The following FGF10 variants were observed in gnomAD, a reference collection of about 807,000 sequenced individuals.
FGF10 encodes fibroblast growth factor 10.
Under a neutral mutation model 19.8 loss-of-function variants are expected in FGF10, and 2 were observed. The observed-to-expected ratio is 0.10, with a 90% CI of 0.04 to 0.32. FGF10 has a LOEUF of 0.32. Among genes scored for constraint, FGF10 ranks in the 10% least tolerant of loss-of-function variants. The pLI, the probability that FGF10 is intolerant of heterozygous loss-of-function variation, is 1.00. For missense variants in FGF10, 191 were observed against 246.3 expected (o/e 0.78, Z 1.50); for synonymous variants, 112 against 94.0 (o/e 1.19, Z -1.10).
intron 1 of FGF10, among the ~76,000 whole-genome samples, chr5:44,350,214 TAAGTA>T (rs1249913612): frequency 6.6e-6 from 1 of 150,612 alleles, no homozygotes; most frequent in African/African-American, 2.4e-5. Context: ...CATAAATGGT[TAAGTA>T]AACTAAGATA....
intron 1 of FGF10, among the ~76,000 whole-genome samples, chr5:44,327,562 C>G (rs1397813788): frequency 1.3e-5 from 2 of 152,142 alleles, no homozygotes; most frequent in Non-Finnish European, 2.9e-5. Flanking sequence ...GTAATAAGGT[C>G]CACTGCAAAC....
At chr5:44,369,897 C>G (rs943233855) in intron 1 of FGF10, among the ~76,000 whole-genome samples, 4 of 152,112 alleles carry the variant, frequency 2.6e-5, no homozygotes, top group Admixed American at 2.0e-4. Context: ...CAGATTATCT[C>G]AAGCTCAAAA....
chr5:44,302,107 G>A lies in FGF10; in HGVS notation c.*2888C>T, dbSNP rs1158442668. Among the ~76,000 whole-genome samples the A allele has an allele frequency of 2.6e-5, 4 of 151,496 alleles. No homozygotes were observed. Among genetic ancestry groups the A allele is most frequent in the Non-Finnish European group, 5.9e-5 (4 of 67,914 alleles). On this transcript the variant is annotated 3_prime_UTR_variant, in exon 3 of 3. Coordinates refer to ENST00000264664, the MANE Select transcript of FGF10 (RefSeq NM_004465.2). ...TTTTTTTCAAATCTACAACATTCAG[G>A]GCTGAAACTGCTTTTTTTTTTCTTC...
In FGF10 at chr5:44,304,739, A is replaced by G. The variant is rs1319055420; in HGVS notation, c.*256T>C. On this transcript the variant is annotated 3_prime_UTR_variant, in exon 3 of 3. Coordinates refer to ENST00000264664, the MANE Select transcript of FGF10 (RefSeq NM_004465.2). The stretch of plus-strand genomic sequence containing the variant: ...AACAACAACAAAAAACCCAGCCACA[A>G]TGTTTTTCACTTGGGAATAACTTCT... 2.3e-6 allele frequency: 1 copy of G among 442,694 alleles called. No homozygotes were observed. Among genetic ancestry groups the G allele is most frequent in the East Asian group, 4.1e-5 (1 of 24,360 alleles). 27.4% of individuals were successfully genotyped at this position (442,694 alleles called of 1,614,324 possible).
chr5:44,361,639 G>A (rs1376272435), intron 1 of FGF10, among the ~76,000 whole-genome samples: 1 of 151,642 alleles, frequency 6.6e-6, no homozygotes, highest in Non-Finnish European at 1.5e-5. Flanking sequence ...AGCCAGGGAG[G>A]AGAGAGAAGT....
intron 1 of FGF10, among the ~76,000 whole-genome samples, chr5:44,315,885 A>C (rs1203456260): frequency 6.6e-6 from 1 of 152,114 alleles, no homozygotes; most frequent in East Asian, 1.9e-4. Context: ...ATGTGGTTTT[A>C]CCTCTCTTTA....
intron 2 of FGF10, among the ~76,000 whole-genome samples, chr5:44,306,339 G>A (rs1467269641): frequency 1.3e-5 from 2 of 152,220 alleles, no homozygotes; most frequent in African/African-American, 4.8e-5. Context: ...GGAGGTTGCA[G>A]TGAGCCGAGA....
intron 1 of FGF10, among the ~76,000 whole-genome samples, chr5:44,342,135 T>C (rs1740985081): frequency 2.6e-5 from 4 of 152,032 alleles, no homozygotes; most frequent in Admixed American, 2.6e-4. Flanking sequence ...TACCACGTAT[T>C]CCTTAATTAG....
chr5:44,316,623 C>T (rs1430255749), intron 1 of FGF10, among the ~76,000 whole-genome samples: 3 of 152,250 alleles, frequency 2.0e-5, no homozygotes, highest in African/African-American at 4.8e-5. Context: ...AAAGCATTGA[C>T]AGAACGTGTG....
chr5:44,349,939 C>T (rs545099446), intron 1 of FGF10, among the ~76,000 whole-genome samples: 1 of 150,998 alleles, frequency 6.6e-6, no homozygotes. Flanking sequence ...GTCTATTTTT[C>T]TAGAATATAT....
intron 1 of FGF10, among the ~76,000 whole-genome samples, chr5:44,349,703 G>A (rs1439194983): frequency 1.3e-5 from 2 of 149,716 alleles, no homozygotes; most frequent in African/African-American, 4.9e-5. Context: ...AAACTCTTTG[G>A]GAATATCTAT....
intron 2 of FGF10, among the ~76,000 whole-genome samples, chr5:44,307,075 G>A (rs777727519): frequency 2.0e-5 from 3 of 152,140 alleles, no homozygotes; most frequent in Non-Finnish European, 2.9e-5. Flanking sequence ...TCATATTTCA[G>A]ATGAAGCTAG....
chr5:44,340,011 T>C (rs1579916794), intron 1 of FGF10, among the ~76,000 whole-genome samples: 3 of 151,782 alleles, frequency 2.0e-5, no homozygotes, highest in Non-Finnish European at 2.9e-5. Flanking sequence ...AGGCTGGGAG[T>C]GAAGAACTTT....
At chr5:44,346,882 T>C (rs1741102022) in intron 1 of FGF10, among the ~76,000 whole-genome samples, 1 of 151,870 alleles carries the variant, frequency 6.6e-6, no homozygotes, top group Non-Finnish European at 1.5e-5. Flanking sequence ...AAAATAGCTA[T>C]GCTTGGCTAG....
chr5:44,335,624 G>A (rs906618613), intron 1 of FGF10, among the ~76,000 whole-genome samples: 3 of 151,952 alleles, frequency 2.0e-5, no homozygotes, highest in African/African-American at 7.2e-5. Context: ...TTATTTTTTA[G>A]CACATGGAAG....
chr5:44,317,764 A>T (rs972818495), intron 1 of FGF10, among the ~76,000 whole-genome samples: 1 of 151,966 alleles, frequency 6.6e-6, no homozygotes, highest in Admixed American at 6.6e-5. Context: ...GAGATTTTTT[A>T]AATGTATTTA....
At chr5:44,311,791 T>A (rs576588245) in intron 1 of FGF10, among the ~76,000 whole-genome samples, 1 of 152,250 alleles carries the variant, frequency 6.6e-6, no homozygotes, top group African/African-American at 2.4e-5. Flanking sequence ...GAGCATATTA[T>A]CATTTGTCAT....
chr5:44,321,483 A>C lies in FGF10; in HGVS notation c.326-10953T>G, dbSNP rs574006601. ...GTCTTTGAATGAATATATATCAAGA[A>C]AACTGAATTGGTCATTTTGTGTCAG... On this transcript the variant is annotated intron_variant, in intron 1 of 2. Transcript: ENST00000264664. 2.0e-5 allele frequency among the ~76,000 whole-genome samples: 3 copies of C among 152,310 alleles called. No individual in the cohort carries two copies. In the East Asian group the frequency reaches 5.8e-4, roughly 29 times the overall value.
At chr5:44,349,842 A>G (rs1741194573) in intron 1 of FGF10, among the ~76,000 whole-genome samples, 1 of 151,150 alleles carries the variant, frequency 6.6e-6, no homozygotes, top group Non-Finnish European at 1.5e-5. Flanking sequence ...TTCAAATCCT[A>G]GTTTTGCCAT....
Sources: allele counts gnomAD v4.1 joint callset (sites outside exome capture counted in the v4.1 genomes callset), GRCh38; gene constraint gnomAD v4.1.1; transcripts MANE v1.5; gene names NCBI Gene and HGNC (gene_info 2026-07-23, HGNC 2026-07-21).